LAMP1: variants seen among roughly 807,000 people sequenced by gnomAD.
LAMP1 encodes lysosome-associated membrane glycoprotein 1.
A neutral mutation model predicts 37.5 loss-of-function variants in LAMP1; 7 were observed. That is an observed-to-expected ratio of 0.19 (90% CI 0.11 to 0.35). LAMP1 has a LOEUF of 0.35. LAMP1 is among the 10% of genes least tolerant of loss of function. The probability of loss-of-function intolerance (pLI) is 1.00; values close to 1 mark genes in which losing one functional copy is unlikely to be tolerated. For synonymous variants in LAMP1, 236 were observed against 229.1 expected (o/e 1.03, Z -0.27); for missense variants, 537 against 552.8 (o/e 0.97, Z 0.29).
rs1381769059 is a variant in LAMP1 at position 113,321,949 on chromosome 13, G to A, written c.1114+222G>A. The A allele has an allele frequency of 5.0e-6, 3 of 596,314 alleles. No individual in the cohort carries two copies. The highest frequency in any genetic ancestry group is 8.9e-6 in the Non-Finnish European group (3 of 338,868). 36.9% of individuals were successfully genotyped at this position (596,314 alleles called of 1,614,324 possible). Reference sequence around the variant, plus strand: ...AGCCCCTGGTACCATTTGAGAGTAAGGGAATCATTTTAAGAAACAGTGGTG... The same window carrying A: ...AGCCCCTGGTACCATTTGAGAGTAAAGGAATCATTTTAAGAAACAGTGGTG... On this transcript the variant is annotated intron_variant, in intron 8 of 8. Coordinates refer to ENST00000332556, the MANE Select transcript of LAMP1 (RefSeq NM_005561.4). The surrounding 1 kb of genome is among the most constrained non-coding windows in gnomAD (Gnocchi z 5.6).
intron 2 of LAMP1, among the ~76,000 whole-genome samples, chr13:113,307,051 T>G (rs1327351972): frequency 1.3e-5 from 2 of 151,828 alleles, no homozygotes; most frequent in African/African-American, 4.8e-5. Flanking sequence ...GTGTTAGCCT[T>G]GATGGTCTCA....
Position 113,321,507 on chromosome 13 carries a change from CCGCGCG to C in LAMP1, c.943+39_944-43del, listed in dbSNP as rs888205048. The C allele has an allele frequency of 1.9e-6, 3 of 1,613,790 alleles. No individual in the cohort carries two copies. The African/African-American group carries it at 4.0e-5, about 22-fold the overall frequency. On this transcript the variant is annotated intron_variant, in intron 7 of 8. Coordinates refer to ENST00000332556, the MANE Select transcript of LAMP1 (RefSeq NM_005561.4). The surrounding 1 kb of genome is among the most constrained non-coding windows in gnomAD (Gnocchi z 5.6). ...CAATCTCTGCGAGCCCCGCCCCCGC[CCGCGCG>C]CCCAGGGTATTCTGGAGCCACTAGA...
At chr13:113,318,691 C>A (rs751449179) in intron 4 of LAMP1, among the ~76,000 whole-genome samples, 3 of 152,108 alleles carry the variant, frequency 2.0e-5, no homozygotes, top group African/African-American at 7.2e-5. Flanking sequence ...TGTGCCCCCC[C>A]ACCCCCACGG....
At chr13:113,319,739 C>A in intron 5 of LAMP1, 83 bp downstream of exon 5, 1 of 1,281,900 alleles carries the variant, frequency 7.8e-7, no homozygotes, top group Non-Finnish European at 1.1e-6. Context: ...GAACACGCGT[C>A]TCTGCACGTC....
intron 4 of LAMP1, among the ~76,000 whole-genome samples, chr13:113,318,017 C>T (rs985559914): frequency 5.3e-5 from 8 of 152,240 alleles, no homozygotes; most frequent in African/African-American, 1.9e-4. Context: ...AAGGACTGGT[C>T]AACCTGCAGC....
At position 113,320,262 on chromosome 13, in the gene LAMP1, T is replaced by A. The variant is rs2042690409; in HGVS notation, c.751-83T>A. The A allele has an allele frequency of 3.9e-6, 6 of 1,537,192 alleles. No individual in the cohort carries two copies. The Middle Eastern group carries it at 5.1e-4, about 131-fold the overall frequency. ...TGGTTAAAACAAATGTGGCCTTGAA[T>A]TCACGGTTTCAGGACTGTTTGTCTT... On this transcript the variant is annotated intron_variant, in intron 5 of 8. Transcript: ENST00000332556. This position sits in a 1 kb window ranked among gnomAD's most constrained non-coding sequence, Gnocchi z 4.4.
intron 4 of LAMP1, among the ~76,000 whole-genome samples, chr13:113,318,856 T>C (rs2042681091): frequency 6.6e-6 from 1 of 152,130 alleles, no homozygotes; most frequent in East Asian, 1.9e-4. Flanking sequence ...GAGTCTCTGC[T>C]CACACGTGGG....
At chr13:113,319,297 T>G (rs3794425) in intron 4 of LAMP1, among the ~76,000 whole-genome samples, 172 bp from the exon 5 acceptor site, 21,919 of 152,234 alleles carry the variant, frequency 0.14, 4,643 homozygotes, top group African/African-American at 0.46. Flanking sequence ...ACCCAGCTCT[T>G]TCCTGCGCGT....
chr13:113,318,958 CCT>C lies in LAMP1; in HGVS notation c.563-508_563-507del, dbSNP rs1566403744. Among the ~76,000 whole-genome samples the C allele has an allele frequency of 2.6e-5, 4 of 152,284 alleles. 1 individual carries two copies. In the South Asian group the frequency reaches 8.3e-4, roughly 32 times the overall value. On this transcript the variant is annotated intron_variant, in intron 4 of 8. Transcript: ENST00000332556. Reference sequence around the variant, plus strand: ...TGGCCGGTCTGTGTGTGCTGCAGACCCTCTGTTTCCCTCTGGGTAGTGTTTCC... The same window carrying C: ...TGGCCGGTCTGTGTGTGCTGCAGACCCTGTTTCCCTCTGGGTAGTGTTTCC...
At chr13:113,313,427 T>C (rs1303850410) in intron 4 of LAMP1, among the ~76,000 whole-genome samples, 2 of 152,230 alleles carry the variant, frequency 1.3e-5, no homozygotes, top group Admixed American at 6.5e-5. Context: ...GTTGGTTCCT[T>C]TTTTAATGGA....
chr13:113,303,291 G>A (rs1188813045), intron 1 of LAMP1, among the ~76,000 whole-genome samples: 1 of 152,200 alleles, frequency 6.6e-6, no homozygotes, highest in Non-Finnish European at 1.5e-5. Flanking sequence ...AGCGGCACTT[G>A]TTTCAGAGAA....
At chr13:113,310,535 A>T (rs1308094225) in intron 3 of LAMP1, among the ~76,000 whole-genome samples, 174 bp from the exon 4 acceptor site, 4 of 152,204 alleles carry the variant, frequency 2.6e-5, no homozygotes, top group Non-Finnish European at 5.9e-5. Context: ...CAAAAAAAAT[A>T]AAAAACACAT....
At chr13:113,301,709 T>G (rs1309264237) in intron 1 of LAMP1, among the ~76,000 whole-genome samples, 3 of 143,460 alleles carry the variant, frequency 2.1e-5, no homozygotes, top group South Asian at 2.2e-4. Context: ...ACACACACAC[T>G]TATACCTTGC....
intron 2 of LAMP1, 49 bp from the exon 3 acceptor site, chr13:113,309,594 T>C: frequency 7.0e-7 from 1 of 1,426,132 alleles, no homozygotes; most frequent in Non-Finnish European, 9.7e-7. Context: ...CTTTGAACTT[T>C]TAATAACCTG....
At chr13:113,311,272 A>G (rs762026543) in intron 4 of LAMP1, among the ~76,000 whole-genome samples, 13 of 152,184 alleles carry the variant, frequency 8.5e-5, no homozygotes, top group Non-Finnish European at 1.9e-4. Flanking sequence ...TGCAGTTAAT[A>G]ATGTATTCTG....
At chr13:113,311,588 A>G (rs1056551373) in intron 4 of LAMP1, among the ~76,000 whole-genome samples, 1 of 152,164 alleles carries the variant, frequency 6.6e-6, no homozygotes, top group African/African-American at 2.4e-5. Flanking sequence ...AGAAAGACCA[A>G]CGCTGCCTCT....
intron 4 of LAMP1, among the ~76,000 whole-genome samples, chr13:113,314,328 C>T (rs1240592374): frequency 1.8e-4 from 23 of 127,886 alleles, no homozygotes; most frequent in Admixed American, 3.8e-4. Context: ...TGGAGGGAGC[C>T]AGTGCGGAGA....
rs745800693 is a variant in LAMP1 at position 113,309,855 on chromosome 13, C to G, written c.396C>G (p.Ser132Arg). The G allele has an allele frequency of 6.2e-7, 1 of 1,612,074 alleles. No individual in the cohort carries two copies. The highest frequency in any genetic ancestry group is 1.1e-5 in the South Asian group (1 of 90,992). The change falls in exon 3 of 9, where the codon AGC becomes AGG. Residue 132 changes from serine (S) to arginine (R), a missense_variant. By Grantham distance (110) the Ser-to-Arg change is moderately radical. Transcript: ENST00000332556. ...ACACACACCTTTTCCCCAATGCGAG[C>G]TCCAAAGGTAAGAACCAAAATGGGC... ...LSDTHLFPNASSKEIKTVESI... is the reference protein window; with the variant it reads ...LSDTHLFPNARSKEIKTVESI...
intron 2 of LAMP1, among the ~76,000 whole-genome samples, chr13:113,308,918 C>T (rs2042614692): frequency 6.6e-6 from 1 of 152,096 alleles, no homozygotes; most frequent in Non-Finnish European, 1.5e-5. Context: ...TAAATTTAAA[C>T]ATTTCTGCTA....
Sources: gnomAD v4.1 joint callset for allele counts (sites outside exome capture counted in the v4.1 genomes callset) on GRCh38, gnomAD v4.1.1 for gene constraint, Gnocchi (gnomAD v3.1) non-coding constraint, MANE v1.5 for transcripts, NCBI Gene and HGNC (gene_info 2026-07-23, HGNC 2026-07-21) for gene names.